Variants in EPHA5 observed in about 807,000 individuals in gnomAD.
The protein encoded by EPHA5 is EPH receptor A5.
In EPHA5, 60 loss-of-function variants were observed where a neutral mutation model predicts 105.0. The ratio of observed to expected loss-of-function variants is 0.57; its 90% CI spans 0.46 to 0.71. The LOEUF (loss-of-function observed/expected upper bound fraction) is 0.71, where lower values mean the gene tolerates loss of function less well. Ranked by LOEUF, EPHA5 falls within the 30% of genes least tolerant of loss-of-function variation. EPHA5 has a pLI of 0.00. For synonymous variants in EPHA5, 513 were observed against 449.1 expected, an observed-to-expected ratio of 1.14 and a Z score of -1.80; for missense variants, 1,218 against 1,274.7, an observed-to-expected ratio of 0.96 and a Z score of 0.68.
chr4:65,443,586 G>T (rs1166337584), intron 5 of EPHA5, among the ~76,000 whole-genome samples: 1 of 151,996 alleles, frequency 6.6e-6, no homozygotes, highest in African/African-American at 2.4e-5. Flanking sequence ...GCCTTTGAAG[G>T]GGTGCAATGA....
chr4:65,623,980 C>A (rs1397539363), intron 2 of EPHA5, among the ~76,000 whole-genome samples: 2 of 151,900 alleles, frequency 1.3e-5, no homozygotes, highest in Non-Finnish European at 2.9e-5. Flanking sequence ...ATATGCCAAG[C>A]AAAACTTTAG....
rs1336858637 is a variant in EPHA5, at chr4:65,636,101, A to G, written c.246+7262T>C. Among the ~76,000 whole-genome samples, 5 of 152,184 alleles carry G rather than the reference A, an allele frequency of 3.3e-5. No homozygotes were observed. In the East Asian group the frequency reaches 9.6e-4, roughly 29 times the overall value. On this transcript the variant is annotated intron_variant, in intron 2 of 16. Coordinates refer to ENST00000613740, the MANE Select transcript of EPHA5 (RefSeq NM_001281766.3). The stretch of plus-strand genomic sequence containing the variant: ...ATATAAAACAAGACTTTTACCTTTT[A>G]AGAAAGATATTTAGTTCTTAAAGGT...
At chr4:65,495,899 T>C (rs1484105888) in intron 3 of EPHA5, among the ~76,000 whole-genome samples, 1 of 152,180 alleles carries the variant, frequency 6.6e-6, no homozygotes, top group Non-Finnish European at 1.5e-5. Flanking sequence ...TACAACTATG[T>C]TGAAGAAATA....
chr4:65,495,285 CTGTTT>C, intron 4 of EPHA5, 98 bp downstream of exon 4: 1 of 1,229,674 alleles, frequency 8.1e-7, no homozygotes, highest in Non-Finnish European at 1.1e-6. Context: ...AACATTATGT[CTGTTT>C]TAGGGGGAAA....
chr4:65,592,731 C>A (rs922258945), intron 3 of EPHA5, among the ~76,000 whole-genome samples: 2 of 152,096 alleles, frequency 1.3e-5, no homozygotes, highest in African/African-American at 2.4e-5. Flanking sequence ...ACGTCTCAAT[C>A]CTGGTTGCAT....
At chr4:65,647,518 T>C (rs574852037) in intron 1 of EPHA5, among the ~76,000 whole-genome samples, 196 of 152,154 alleles carry the variant, frequency 1.3e-3, no homozygotes, top group African/African-American at 4.5e-3. Flanking sequence ...TATATGCTTG[T>C]CGTAAATTGC....
At chr4:65,556,436 T>C (rs941569323) in intron 3 of EPHA5, among the ~76,000 whole-genome samples, 20 of 152,200 alleles carry the variant, frequency 1.3e-4, no homozygotes, top group African/African-American at 3.6e-4. Flanking sequence ...TCCATGAAAA[T>C]AGGCATGTAA....
At chr4:65,466,590 C>A (rs73822163) in intron 5 of EPHA5, among the ~76,000 whole-genome samples, 8 of 152,202 alleles carry the variant, frequency 5.3e-5, no homozygotes, top group Admixed American at 4.6e-4. Flanking sequence ...GGGACTGTTG[C>A]AATCTAGTTA....
chr4:65,324,804 A>G (rs1470332480), intron 16 of EPHA5, among the ~76,000 whole-genome samples: 1 of 148,556 alleles, frequency 6.7e-6, no homozygotes, highest in East Asian at 2.0e-4. Context: ...ATCAAATAAC[A>G]TCCAAGCTCT....
At chr4:65,651,396 C>G (rs1027707442) in intron 1 of EPHA5, among the ~76,000 whole-genome samples, 1 of 152,192 alleles carries the variant, frequency 6.6e-6, no homozygotes, top group African/African-American at 2.4e-5. Context: ...CTAACTGATA[C>G]AACTTGTAAG....
At chr4:65,327,935 G>A (rs1354373412) in intron 16 of EPHA5, among the ~76,000 whole-genome samples, 1 of 150,994 alleles carries the variant, frequency 6.6e-6, no homozygotes, top group Non-Finnish European at 1.5e-5. Flanking sequence ...ACATAAATTT[G>A]ATGAAAATAA....
intron 16 of EPHA5, among the ~76,000 whole-genome samples, chr4:65,324,622 T>C (rs1174352240): frequency 6.6e-6 from 1 of 151,368 alleles, no homozygotes; most frequent in Non-Finnish European, 1.5e-5. Context: ...ACTTTTAATA[T>C]TTTATAGCTA....
chr4:65,541,904 A>G (rs768547713), intron 3 of EPHA5, among the ~76,000 whole-genome samples: 10 of 151,788 alleles, frequency 6.6e-5, no homozygotes, highest in Non-Finnish European at 1.2e-4. Context: ...TCAGACCACA[A>G]TGCAATCGAA....
chr4:65,482,705 T>A (rs1206523050), intron 5 of EPHA5, among the ~76,000 whole-genome samples: 4 of 152,150 alleles, frequency 2.6e-5, no homozygotes, highest in African/African-American at 9.7e-5. Context: ...CACACTTGAA[T>A]TAATTTACTT....
At chr4:65,403,013 C>T (rs1443963722) in intron 8 of EPHA5, among the ~76,000 whole-genome samples, 1 of 151,602 alleles carries the variant, frequency 6.6e-6, no homozygotes, top group African/African-American at 2.4e-5. Context: ...AGAACACAAA[C>T]TGTCCCCTAG....
intron 15 of EPHA5, among the ~76,000 whole-genome samples, chr4:65,334,644 G>A (rs1720997252): frequency 6.6e-6 from 1 of 151,968 alleles, no homozygotes; most frequent in Non-Finnish European, 1.5e-5. Flanking sequence ...GAAAGGTAGT[G>A]AGTGGTACAG....
At chr4:65,469,435 G>A (rs1402668931) in intron 5 of EPHA5, among the ~76,000 whole-genome samples, 1 of 152,138 alleles carries the variant, frequency 6.6e-6, no homozygotes, top group Non-Finnish European at 1.5e-5. Flanking sequence ...GTAAAATGAT[G>A]ATGAGTAATG....
chr4:65,527,507 A>T (rs1015246269), intron 3 of EPHA5, among the ~76,000 whole-genome samples: 6 of 152,116 alleles, frequency 3.9e-5, no homozygotes, highest in African/African-American at 9.7e-5. Flanking sequence ...ACAGAATAAG[A>T]AGTAGAGTCT....
intron 5 of EPHA5, among the ~76,000 whole-genome samples, chr4:65,469,750 G>A (rs576164101): frequency 1.3e-5 from 2 of 152,200 alleles, no homozygotes; most frequent in Admixed American, 1.3e-4. Flanking sequence ...TTGGCATGTT[G>A]TAATACATTT....
Sources: gnomAD v4.1 joint callset for allele counts (sites outside exome capture counted in the v4.1 genomes callset) on GRCh38, gnomAD v4.1.1 for gene constraint, MANE v1.5 for transcripts, NCBI Gene and HGNC (gene_info 2026-07-23, HGNC 2026-07-21) for gene names.